DDX4: variants seen among roughly 807,000 people sequenced by gnomAD.
DDX4 encodes the protein DEAD-box helicase 4, also known as probable ATP-dependent RNA helicase DDX4.
A neutral mutation model predicts 100.0 loss-of-function variants in DDX4; 25 were observed. The ratio of observed to expected loss-of-function variants is 0.25; its 90% CI spans 0.18 to 0.35. The LOEUF (loss-of-function observed/expected upper bound fraction) is 0.35, where lower values mean the gene tolerates loss of function less well. Among genes scored for constraint, DDX4 ranks in the 10% least tolerant of loss-of-function variants. The probability of loss-of-function intolerance (pLI) is 1.00; values close to 1 mark genes in which losing one functional copy is unlikely to be tolerated. For missense variants in DDX4, 635 were observed against 882.4 expected, an observed-to-expected ratio of 0.72 and a Z score of 3.55; for synonymous variants, 259 against 275.7, an observed-to-expected ratio of 0.94 and a Z score of 0.60.
rs553483604 is a variant in DDX4 at position 55,747,775 on chromosome 5, G to A, written c.127+1554G>A. ...ATCCTGGCAACCACCATCTACTTCC[G>A]GTGAATTTGAGTTACTATAACTTTA... On this transcript the variant is annotated intron_variant, in intron 3 of 21. Transcript: ENST00000505374. Among the ~76,000 whole-genome samples, 3 of 152,158 alleles carry A rather than the reference G, an allele frequency of 2.0e-5. No individual in the cohort carries two copies. The East Asian group carries it at 5.8e-4, about 29-fold the overall frequency.
At chr5:55,812,369 G>A (rs1744169090) in intron 18 of DDX4, among the ~76,000 whole-genome samples, 1 of 152,138 alleles carries the variant, frequency 6.6e-6, no homozygotes, top group South Asian at 2.1e-4. Context: ...AGACCATCCT[G>A]GCTAACACGG....
At chr5:55,783,682 G>A (rs867843194) in intron 10 of DDX4, among the ~76,000 whole-genome samples, 24 of 122,422 alleles carry the variant, frequency 2.0e-4, no homozygotes, top group African/African-American at 5.9e-4. Flanking sequence ...TGGATGAATG[G>A]ATGGATGAAT....
At chr5:55,782,701 T>C (rs1296514354) in intron 10 of DDX4, among the ~76,000 whole-genome samples, 1 of 152,154 alleles carries the variant, frequency 6.6e-6, no homozygotes, top group Non-Finnish European at 1.5e-5. Flanking sequence ...CAAATCCTTA[T>C]TAAAACAATA....
Position 55,760,243 on chromosome 5 carries a change from T to C in DDX4, c.171T>C (p.Ser57=). 1 of 1,572,260 alleles carries C rather than the reference T, an allele frequency of 6.4e-7. No individual in the cohort carries two copies. The highest frequency in any genetic ancestry group is 8.6e-7 in the Non-Finnish European group (1 of 1,164,748). ...GPSRRDHFMK[S]GFASGRNFGN... is the part of the protein sequence containing the mutation. Reference sequence around the variant, plus strand: ...CTCGAAGAGATCATTTCATGAAAAGTGGATTTGCCTCTGGGCGGAATTTTG... The same window carrying C: ...CTCGAAGAGATCATTTCATGAAAAGCGGATTTGCCTCTGGGCGGAATTTTG... Residue 57 remains serine, a synonymous_variant, in exon 4 of 22, where the codon AGT becomes AGC. Transcript: ENST00000505374.
intron 7 of DDX4, among the ~76,000 whole-genome samples, chr5:55,774,859 CTT>C (rs1289975340): frequency 2.0e-5 from 3 of 152,122 alleles, no homozygotes; most frequent in South Asian, 4.1e-4. Context: ...TTTCATGAAA[CTT>C]GGGATATTTT....
intron 3 of DDX4, among the ~76,000 whole-genome samples, chr5:55,754,446 T>C (rs1357853983): frequency 1.5e-5 from 2 of 135,692 alleles, no homozygotes; most frequent in Non-Finnish European, 3.2e-5. Flanking sequence ...GGTTTTTGTC[T>C]TTGGCTCTGT....
chr5:55,778,516 A>G (rs1169495701), intron 7 of DDX4, among the ~76,000 whole-genome samples: 1 of 152,228 alleles, frequency 6.6e-6, no homozygotes, highest in African/African-American at 2.4e-5. Context: ...GTAGACATAA[A>G]TGAAATAGAA....
chr5:55,790,373 T>C (rs1286603578), intron 15 of DDX4, among the ~76,000 whole-genome samples: 1 of 152,198 alleles, frequency 6.6e-6, no homozygotes, highest in African/African-American at 2.4e-5. Flanking sequence ...CTCAAACTCC[T>C]GACCTCAGGT....
At chr5:55,773,525 AG>A (rs1193898362) in intron 7 of DDX4, among the ~76,000 whole-genome samples, 1 of 152,054 alleles carries the variant, frequency 6.6e-6, no homozygotes, top group Non-Finnish European at 1.5e-5. Flanking sequence ...CAATGTTATG[AG>A]GGTTCTGATT....
intron 3 of DDX4, among the ~76,000 whole-genome samples, chr5:55,748,916 T>TTGCTTACCCA (rs892734365): frequency 2.6e-5 from 4 of 152,204 alleles, no homozygotes; most frequent in Non-Finnish European, 5.9e-5. Context: ...TGTTTTTCCT[T>TTGCTTACCCA]TGCTTACCCA....
At chr5:55,798,030 T>G (rs1743070930) in intron 17 of DDX4, among the ~76,000 whole-genome samples, 1 of 152,184 alleles carries the variant, frequency 6.6e-6, no homozygotes, top group Admixed American at 6.5e-5. Flanking sequence ...ATAAAAGCAA[T>G]GAGTGGAGAA....
chr5:55,786,620 C>T lies in DDX4; in HGVS notation c.967C>T (p.Leu323Phe). The T allele has an allele frequency of 6.2e-7, 1 of 1,613,094 alleles. No individual in the cohort carries two copies. Among genetic ancestry groups the T allele is most frequent in the Non-Finnish European group, 8.5e-7 (1 of 1,179,126 alleles). ...PVQKYSIPII[L>F]AGRDLMACAQ... is the part of the protein sequence containing the mutation. ...GCAAAAATACAGTATTCCTATCATACTTGCAGGACGAGATTTGATGGCTTG... is the reference window on the plus strand; with the variant it reads ...GCAAAAATACAGTATTCCTATCATATTTGCAGGACGAGATTTGATGGCTTG... The change falls in exon 14 of 22, where the codon CTT (leucine) becomes TTT (phenylalanine). Residue 323 changes from leucine (L) to phenylalanine (F), a missense_variant. By Grantham distance (22) the Leu-to-Phe change is conservative. Transcript: ENST00000505374.
intron 17 of DDX4, among the ~76,000 whole-genome samples, chr5:55,793,467 A>G (rs772231769): frequency 1.3e-5 from 2 of 152,228 alleles, no homozygotes; most frequent in East Asian, 1.9e-4. Flanking sequence ...TTTTGGACTT[A>G]AAATAGGTTT....
intron 18 of DDX4, among the ~76,000 whole-genome samples, chr5:55,802,832 A>G (rs1434733039): frequency 6.6e-6 from 1 of 152,250 alleles, no homozygotes; most frequent in Non-Finnish European, 1.5e-5. Flanking sequence ...GTTCATGATA[A>G]GAATAATGCT....
intron 9 of DDX4, among the ~76,000 whole-genome samples, chr5:55,781,604 C>G (rs938602429): frequency 6.6e-6 from 1 of 151,912 alleles, no homozygotes; most frequent in Non-Finnish European, 1.5e-5. Context: ...TGGCAAAACC[C>G]TATCTCTACT....
At chr5:55,786,847 T>C (rs1742277579) in intron 14 of DDX4, among the ~76,000 whole-genome samples, 177 bp downstream of exon 14, 1 of 152,234 alleles carries the variant, frequency 6.6e-6, no homozygotes, top group Non-Finnish European at 1.5e-5. Flanking sequence ...AAGAAAGAAT[T>C]CTGAACTATT....
chr5:55,799,407 G>A (rs1056970912), intron 18 of DDX4, among the ~76,000 whole-genome samples: 15 of 152,164 alleles, frequency 9.9e-5, no homozygotes, highest in Non-Finnish European at 2.1e-4. Flanking sequence ...ACGGGGCCTT[G>A]CTTTATTGCC....
At chr5:55,752,634 CAAT>C (rs2111681773) in intron 3 of DDX4, among the ~76,000 whole-genome samples, 1 of 147,990 alleles carries the variant, frequency 6.8e-6, no homozygotes, top group Non-Finnish European at 1.5e-5. Flanking sequence ...AGTAATGCCG[CAAT>C]AAACATACGT....
intron 6 of DDX4, among the ~76,000 whole-genome samples, chr5:55,766,158 G>T (rs1161882613): frequency 6.6e-6 from 1 of 151,500 alleles, no homozygotes; most frequent in East Asian, 1.9e-4. Flanking sequence ...AACTAATCTT[G>T]GTATCATTAT....
Sources: allele counts gnomAD v4.1 joint callset (sites outside exome capture counted in the v4.1 genomes callset), GRCh38; gene constraint gnomAD v4.1.1; transcripts MANE v1.5; gene names NCBI Gene and HGNC (gene_info 2026-07-23, HGNC 2026-07-21).